The following MAGI2 variants were observed in gnomAD, a reference collection of about 807,000 sequenced individuals.
The protein encoded by MAGI2 is membrane associated guanylate kinase, WW and PDZ domain containing 2, also known as membrane-associated guanylate kinase, WW and PDZ domain-containing protein 2.
Under a neutral mutation model 133.3 loss-of-function variants are expected in MAGI2, and 35 were observed. That is an observed-to-expected ratio of 0.26 (90% CI 0.20 to 0.35). The LOEUF (loss-of-function observed/expected upper bound fraction) is 0.35, where lower values mean the gene tolerates loss of function less well. Among genes scored for constraint, MAGI2 ranks in the 10% least tolerant of loss-of-function variants. MAGI2 has a pLI of 1.00. For missense variants in MAGI2, 1,636 were observed against 1,863.4 expected, an observed-to-expected ratio of 0.88 and a Z score of 2.25; for synonymous variants, 729 against 710.6, an observed-to-expected ratio of 1.03 and a Z score of -0.41.
At chr7:79,311,825 C>T (rs1176237205) in intron 1 of MAGI2, among the ~76,000 whole-genome samples, 1 of 152,146 alleles carries the variant, frequency 6.6e-6, no homozygotes, top group Non-Finnish European at 1.5e-5. Flanking sequence ...CAGTAAAAGG[C>T]AACTCTATAC....
chr7:78,963,803 C>G (rs1029162764), intron 2 of MAGI2, among the ~76,000 whole-genome samples: 8 of 151,878 alleles, frequency 5.3e-5, no homozygotes, highest in Non-Finnish European at 1.2e-4. Context: ...AACTAGGAGA[C>G]CTAATTTCTG....
At chr7:79,401,182 C>T (rs1026889059) in intron 1 of MAGI2, among the ~76,000 whole-genome samples, 5 of 151,726 alleles carry the variant, frequency 3.3e-5, no homozygotes, top group Admixed American at 6.6e-5. Context: ...CTTACAACAC[C>T]CCAGCAAATA....
chr7:79,238,981 A>C (rs1832160915), intron 1 of MAGI2, among the ~76,000 whole-genome samples: 1 of 152,308 alleles, frequency 6.6e-6, no homozygotes, highest in Admixed American at 6.5e-5. Flanking sequence ...AAGAAAATGA[A>C]TGATCATTTT....
intron 2 of MAGI2, among the ~76,000 whole-genome samples, chr7:78,992,471 A>T (rs563582543): frequency 1.3e-5 from 2 of 150,064 alleles, no homozygotes; most frequent in South Asian, 2.1e-4. Context: ...CTAACTGACC[A>T]TTTTTTTTTG....
chr7:79,139,072 T>C (rs1487754983), intron 1 of MAGI2, among the ~76,000 whole-genome samples: 6 of 151,436 alleles, frequency 4.0e-5, no homozygotes, highest in Admixed American at 3.3e-4. Context: ...GACAATCATT[T>C]ACAAGCTAAG....
intron 1 of MAGI2, among the ~76,000 whole-genome samples, chr7:79,009,489 C>A (rs1474991407): frequency 6.6e-6 from 1 of 152,082 alleles, no homozygotes; most frequent in Non-Finnish European, 1.5e-5. Flanking sequence ...TTATCCTTTA[C>A]AATTTATCAT....
rs946672417 is a variant in MAGI2 at position 78,330,414 on chromosome 7, G to A, written c.1408+13364C>T. Among the ~76,000 whole-genome samples the A allele has an allele frequency of 3.0e-4, 12 of 39,766 alleles. 4 individuals carry two copies. Among genetic ancestry groups the A allele is most frequent in the Admixed American group, 6.1e-4 (3 of 4,948 alleles). 26.1% of individuals were successfully genotyped at this position (39,766 alleles called of 152,430 possible). On this transcript the variant is annotated intron_variant, in intron 9 of 21. Transcript: ENST00000354212. ...GGGCGGATCACGAGGTCAGGAGATCGAGACCATCCTGGCTAACACGGTGAA... is the reference window on the plus strand; with the variant it reads ...GGGCGGATCACGAGGTCAGGAGATCAAGACCATCCTGGCTAACACGGTGAA...
chr7:78,942,715 T>C (rs1228761638), intron 2 of MAGI2, among the ~76,000 whole-genome samples: 1 of 152,108 alleles, frequency 6.6e-6, no homozygotes, highest in Admixed American at 6.6e-5. Context: ...ATACTTAGAA[T>C]ATATGTAAAC....
intron 9 of MAGI2, among the ~76,000 whole-genome samples, chr7:78,276,992 C>T (rs375813494): frequency 6.6e-6 from 1 of 152,102 alleles, no homozygotes; most frequent in East Asian, 1.9e-4. Context: ...ATATTTAAAA[C>T]GATTTTCCAA....
At chr7:78,082,503 G>A (rs2151194675) in intron 20 of MAGI2, among the ~76,000 whole-genome samples, 1 of 152,282 alleles carries the variant, frequency 6.6e-6, no homozygotes, top group South Asian at 2.1e-4. Context: ...GGCTTTCCAT[G>A]TAGGGTCCCC....
intron 10 of MAGI2, among the ~76,000 whole-genome samples, chr7:78,219,733 C>T (rs1227626990): frequency 6.6e-6 from 1 of 152,212 alleles, no homozygotes; most frequent in Non-Finnish European, 1.5e-5. Context: ...ACCTGGGGCT[C>T]ATTGCAAATT....
intron 21 of MAGI2, among the ~76,000 whole-genome samples, chr7:78,077,021 ATGTTCTACT>A (rs1815399954): frequency 6.6e-6 from 1 of 152,150 alleles, no homozygotes; most frequent in Non-Finnish European, 1.5e-5. Flanking sequence ...GATCAGTAGT[ATGTTCTACT>A]TGCTCACTAC....
rs76393675 is a variant in MAGI2 at position 79,107,559 on chromosome 7, G to T, written c.302-100353C>A. On this transcript the variant is annotated intron_variant, in intron 1 of 21. Coordinates refer to ENST00000354212, the MANE Select transcript of MAGI2 (RefSeq NM_012301.4). ...TAATAAATTTGTGTTGTTGAAAACTGCTAAATCTGTGGTAATTTGCTACAG... is the reference window on the plus strand; with the variant it reads ...TAATAAATTTGTGTTGTTGAAAACTTCTAAATCTGTGGTAATTTGCTACAG... 1.9e-3 allele frequency among the ~76,000 whole-genome samples: 291 copies of T among 152,324 alleles called. 2 individuals are homozygous for T. The highest frequency in any genetic ancestry group is 6.5e-3 in the African/African-American group (270 of 41,574).
At chr7:79,241,509 C>G (rs1297701986) in intron 1 of MAGI2, among the ~76,000 whole-genome samples, 2 of 151,776 alleles carry the variant, frequency 1.3e-5, no homozygotes, top group Admixed American at 1.3e-4. Flanking sequence ...TCTCTTCCTC[C>G]CTTATTCTGG....
At chr7:78,296,842 CT>C (rs1797296546) in intron 9 of MAGI2, among the ~76,000 whole-genome samples, 1 of 152,186 alleles carries the variant, frequency 6.6e-6, no homozygotes, top group Non-Finnish European at 1.5e-5. Flanking sequence ...CCAAACAACC[CT>C]GAACAGCTCA....
intron 3 of MAGI2, among the ~76,000 whole-genome samples, chr7:78,557,812 C>T (rs1189101607): frequency 6.6e-6 from 1 of 152,106 alleles, no homozygotes; most frequent in Non-Finnish European, 1.5e-5. Context: ...TCAGTGTAAT[C>T]AGAGGTACAG....
At chr7:78,053,518 G>A (rs999551404) in intron 21 of MAGI2, among the ~76,000 whole-genome samples, 1 of 152,184 alleles carries the variant, frequency 6.6e-6, no homozygotes, top group African/African-American at 2.4e-5. Flanking sequence ...TATATTTGAA[G>A]GTCAAAAAGT....
intron 1 of MAGI2, among the ~76,000 whole-genome samples, chr7:79,442,213 AG>A (rs1326111322): frequency 6.6e-6 from 1 of 152,192 alleles, no homozygotes; most frequent in African/African-American, 2.4e-5. Flanking sequence ...GAAATCATTT[AG>A]GTGCTTTATT....
chr7:79,318,852 C>T (rs1838954844), intron 1 of MAGI2, among the ~76,000 whole-genome samples: 1 of 152,198 alleles, frequency 6.6e-6, no homozygotes, highest in Admixed American at 6.6e-5. Context: ...AAGCACACTA[C>T]TGCTGCTCAT....
Sources: allele counts gnomAD v4.1 joint callset (sites outside exome capture counted in the v4.1 genomes callset), GRCh38; gene constraint gnomAD v4.1.1; transcripts MANE v1.5; gene names NCBI Gene and HGNC (gene_info 2026-07-23, HGNC 2026-07-21).